GNAQ: variants seen among roughly 807,000 people sequenced by gnomAD.
The protein encoded by GNAQ is G protein subunit alpha q.
GNAQ carries 8 observed loss-of-function variants against 43.9 expected under a neutral mutation model. That is an observed-to-expected ratio of 0.18 (90% confidence interval 0.11 to 0.33). The LOEUF (loss-of-function observed/expected upper bound fraction) is 0.33. Ranked by LOEUF, GNAQ falls within the 10% of genes least tolerant of loss-of-function variation. GNAQ has a pLI of 1.00. For synonymous variants in GNAQ, 155 were observed against 170.7 expected (o/e 0.91, Z 0.71); for missense variants, 158 against 450.8 (o/e 0.35, Z 5.88).
At chr9:77,757,278 C>T (rs529720835) in intron 5 of GNAQ, among the ~76,000 whole-genome samples, 25 of 152,252 alleles carry the variant, frequency 1.6e-4, no homozygotes, top group African/African-American at 3.9e-4. Context: ...TTTTCTAAAT[C>T]GGCAAGGCAA....
chr9:77,781,563 G>A (rs1246913459), intron 5 of GNAQ, among the ~76,000 whole-genome samples: 1 of 152,072 alleles, frequency 6.6e-6, no homozygotes, highest in African/African-American at 2.4e-5. Flanking sequence ...GTCATTCCGA[G>A]AAAGCTACAG....
chr9:77,994,805 C>T (rs2118533372), intron 1 of GNAQ, among the ~76,000 whole-genome samples: 1 of 152,240 alleles, frequency 6.6e-6, no homozygotes, highest in Admixed American at 6.5e-5. Flanking sequence ...CAAAACATTC[C>T]TATATTGTAA....
intron 1 of GNAQ, among the ~76,000 whole-genome samples, chr9:78,021,324 C>A (rs748746584): frequency 7.2e-5 from 11 of 152,046 alleles, no homozygotes; most frequent in Non-Finnish European, 1.5e-4. Context: ...CCACACCTGG[C>A]AAAGCTGATT....
intron 2 of GNAQ, among the ~76,000 whole-genome samples, chr9:77,892,256 G>A (rs1828418569): frequency 6.6e-6 from 1 of 152,108 alleles, no homozygotes; most frequent in Non-Finnish European, 1.5e-5. Context: ...TCCAGCCCTA[G>A]TGTGGAACCC....
chr9:77,738,811 A>C (rs1439532524), intron 5 of GNAQ, among the ~76,000 whole-genome samples: 1 of 152,160 alleles, frequency 6.6e-6, no homozygotes. Context: ...GCAGTTTTAA[A>C]GGACTGTGAA....
chr9:77,767,644 A>G (rs1826157886), intron 5 of GNAQ, among the ~76,000 whole-genome samples: 1 of 152,244 alleles, frequency 6.6e-6, no homozygotes, highest in South Asian at 2.1e-4. Flanking sequence ...AAATGGGATG[A>G]GACTATTGAT....
chr9:77,995,653 T>A (rs189968119), intron 1 of GNAQ, among the ~76,000 whole-genome samples: 173 of 152,112 alleles, frequency 1.1e-3, no homozygotes, highest in African/African-American at 4.0e-3. Flanking sequence ...AATTTTTTTT[T>A]AAACTTTTTG....
chr9:77,974,495 G>C (rs1335949781), intron 1 of GNAQ, among the ~76,000 whole-genome samples: 1 of 152,150 alleles, frequency 6.6e-6, no homozygotes, highest in Admixed American at 6.5e-5. Flanking sequence ...GGACTTTAAA[G>C]ACACTCATGT....
intron 1 of GNAQ, among the ~76,000 whole-genome samples, chr9:77,935,096 A>G (rs529926981): frequency 1.3e-5 from 2 of 152,286 alleles, no homozygotes; most frequent in South Asian, 4.1e-4. Context: ...CTGCCCTCCA[A>G]CCTGGACGAC....
chr9:77,853,144 C>A (rs970223166), intron 2 of GNAQ, among the ~76,000 whole-genome samples: 1 of 152,138 alleles, frequency 6.6e-6, no homozygotes, highest in East Asian at 1.9e-4. Flanking sequence ...GAAAGCAGTA[C>A]ACTACATGTT....
rs542617088 is a variant in GNAQ at position 78,019,939 on chromosome 9, A to AG, written c.136+11160_136+11161insC. Among the ~76,000 whole-genome samples the AG allele has an allele frequency of 7.4e-3, 1,097 of 149,110 alleles. 11 individuals carry two copies. Among genetic ancestry groups the AG allele is most frequent in the South Asian group, 0.032 (151 of 4,716 alleles). On this transcript the variant is annotated intron_variant, in intron 1 of 6. Coordinates refer to ENST00000286548, the MANE Select transcript of GNAQ (RefSeq NM_002072.5). ...ACTCCATCTCAAAAAAAAAAAAAAA[A>AG]AAAGAAAGAAAAGAGACTTTAGGAA...
intron 5 of GNAQ, 100 bp downstream of exon 5, chr9:77,794,363 A>C: frequency 1.3e-6 from 1 of 787,954 alleles, no homozygotes; most frequent in Non-Finnish European, 1.9e-6. Flanking sequence ...TCAAGAAAGC[A>C]AAGAAGTAAG....
At chr9:77,911,081 C>T (rs1444125841) in intron 2 of GNAQ, among the ~76,000 whole-genome samples, 3 of 152,174 alleles carry the variant, frequency 2.0e-5, no homozygotes, top group Non-Finnish European at 4.4e-5. Flanking sequence ...AATTTTCTTC[C>T]TTTCATCCAA....
At chr9:77,885,457 C>T (rs1828286503) in intron 2 of GNAQ, among the ~76,000 whole-genome samples, 1 of 152,134 alleles carries the variant, frequency 6.6e-6, no homozygotes, top group South Asian at 2.1e-4. Context: ...AAACACATAC[C>T]AACAGGGTCG....
chr9:78,008,384 G>T (rs942714747), intron 1 of GNAQ, among the ~76,000 whole-genome samples: 1 of 152,174 alleles, frequency 6.6e-6, no homozygotes. Context: ...TGGGGGCAAG[G>T]GAGTGGGATA....
At chr9:77,852,380 CA>C (rs898356616) in intron 2 of GNAQ, among the ~76,000 whole-genome samples, 1 of 152,188 alleles carries the variant, frequency 6.6e-6, no homozygotes, top group Non-Finnish European at 1.5e-5. Context: ...AGTGCTTTGG[CA>C]GAGCAATGAA....
At chr9:77,869,181 T>C (rs1464624489) in intron 2 of GNAQ, among the ~76,000 whole-genome samples, 2 of 152,334 alleles carry the variant, frequency 1.3e-5, no homozygotes, top group South Asian at 2.1e-4. Context: ...TTTATCATCA[T>C]TTCAATAGGA....
At chr9:77,798,939 AG>A (rs1174775307) in intron 3 of GNAQ, among the ~76,000 whole-genome samples, 1 of 152,238 alleles carries the variant, frequency 6.6e-6, no homozygotes, top group Non-Finnish European at 1.5e-5. Flanking sequence ...CACCACAATC[AG>A]GACACAGAAT....
chr9:77,922,458 G>A (rs2118277595), intron 1 of GNAQ, 113 bp from the exon 2 acceptor site: 1 of 691,650 alleles, frequency 1.4e-6, no homozygotes. Flanking sequence ...CTGCTGAGAG[G>A]AGCGACTCTA....
Sources: gnomAD v4.1 joint callset for allele counts (sites outside exome capture counted in the v4.1 genomes callset) on GRCh38, gnomAD v4.1.1 for gene constraint, MANE v1.5 for transcripts, NCBI Gene and HGNC (gene_info 2026-07-23, HGNC 2026-07-21) for gene names.